The following RAB3C variants were observed in gnomAD, a reference collection of about 807,000 sequenced individuals.
RAB3C encodes ras-related protein Rab-3C.
A neutral mutation model predicts 26.4 loss-of-function variants in RAB3C; 17 were observed. The observed-to-expected ratio is 0.64, with a 90% confidence interval of 0.44 to 0.97. The LOEUF is 0.97. RAB3C is among the 50% of genes least tolerant of loss of function. RAB3C has a pLI of 0.00. For synonymous variants in RAB3C, 91 were observed against 95.9 expected, an observed-to-expected ratio of 0.95 and a Z score of 0.30; for missense variants, 242 against 281.9, an observed-to-expected ratio of 0.86 and a Z score of 1.01.
At chr5:58,587,279 G>A (rs146770104) in intron 1 of RAB3C, among the ~76,000 whole-genome samples, 1 of 152,240 alleles carries the variant, frequency 6.6e-6, no homozygotes, top group African/African-American at 2.4e-5. Flanking sequence ...TTCCAGGAAG[G>A]AAATATATGT....
intron 4 of RAB3C, among the ~76,000 whole-genome samples, chr5:58,832,020 T>C (rs1046766891): frequency 7.9e-5 from 12 of 152,080 alleles, no homozygotes; most frequent in Admixed American, 1.3e-4. Flanking sequence ...GAACCACTGA[T>C]TTACAGAAAA....
intron 2 of RAB3C, among the ~76,000 whole-genome samples, chr5:58,664,296 G>C (rs1195849714): frequency 6.6e-6 from 1 of 152,164 alleles, no homozygotes; most frequent in Non-Finnish European, 1.5e-5. Context: ...GCGATAAAGA[G>C]AAATGCACTA....
chr5:58,752,444 G>T (rs1458861784), intron 3 of RAB3C, among the ~76,000 whole-genome samples: 1 of 150,204 alleles, frequency 6.7e-6, no homozygotes, highest in East Asian at 2.0e-4. Context: ...AAGAACTACA[G>T]TACGGAAAGC....
intron 3 of RAB3C, among the ~76,000 whole-genome samples, chr5:58,779,542 A>G (rs1180795062): frequency 6.6e-6 from 1 of 151,484 alleles, no homozygotes; most frequent in African/African-American, 2.4e-5. Context: ...TCACCACAAC[A>G]CTCAGCTTAT....
At chr5:58,796,119 A>G (rs548209596) in intron 3 of RAB3C, among the ~76,000 whole-genome samples, 1 of 152,182 alleles carries the variant, frequency 6.6e-6, no homozygotes, top group Non-Finnish European at 1.5e-5. Flanking sequence ...GGAAGGTGGG[A>G]AATAAAAATC....
At position 58,767,131 on chromosome 5, in the gene RAB3C, T is replaced by C. The variant is rs528018583; in HGVS notation, c.371+41011T>C. Among the ~76,000 whole-genome samples, 6 of 152,286 alleles carry C rather than the reference T, an allele frequency of 3.9e-5. No homozygotes were observed. In the South Asian group the frequency reaches 1.0e-3, roughly 26 times the overall value. ...CCCAGGGAAAGCAAAATTCTGCTGGTGCTGTTAATTTCAGACAAAAACTGA... is the reference window on the plus strand; with the variant it reads ...CCCAGGGAAAGCAAAATTCTGCTGGCGCTGTTAATTTCAGACAAAAACTGA... On this transcript the variant is annotated intron_variant, in intron 3 of 4. Coordinates refer to ENST00000282878, the MANE Select transcript of RAB3C (RefSeq NM_138453.4).
At chr5:58,767,892 A>T (rs1301223321) in intron 3 of RAB3C, among the ~76,000 whole-genome samples, 1 of 152,220 alleles carries the variant, frequency 6.6e-6, no homozygotes, top group Non-Finnish European at 1.5e-5. Flanking sequence ...GCAGAAAATT[A>T]AAATGATAAT....
chr5:58,773,638 C>T (rs1442582747), intron 3 of RAB3C, among the ~76,000 whole-genome samples: 1 of 152,046 alleles, frequency 6.6e-6, no homozygotes, highest in Non-Finnish European at 1.5e-5. Flanking sequence ...TTGATTGAGG[C>T]TGGTACTGAT....
intron 2 of RAB3C, among the ~76,000 whole-genome samples, chr5:58,696,764 G>A (rs893784424): frequency 6.6e-6 from 1 of 152,106 alleles, no homozygotes; most frequent in Non-Finnish European, 1.5e-5. Flanking sequence ...GATTGCTGGT[G>A]ATATCCCCTT....
chr5:58,653,801 G>C (rs1469474259), intron 2 of RAB3C, among the ~76,000 whole-genome samples: 1 of 152,168 alleles, frequency 6.6e-6, no homozygotes, highest in Non-Finnish European at 1.5e-5. Context: ...GACATCATTA[G>C]TCTTGAGCTG....
intron 3 of RAB3C, among the ~76,000 whole-genome samples, chr5:58,806,352 A>C (rs934903118): frequency 2.6e-5 from 4 of 152,150 alleles, no homozygotes; most frequent in Admixed American, 6.5e-5. Context: ...TTGTTATTCT[A>C]ATGAGGAAGA....
intron 3 of RAB3C, among the ~76,000 whole-genome samples, chr5:58,789,572 C>T (rs950950548): frequency 1.3e-5 from 2 of 152,044 alleles, no homozygotes; most frequent in Non-Finnish European, 2.9e-5. Context: ...AATGTTAGGG[C>T]TCAAGGAAGT....
At chr5:58,696,554 A>T (rs182455885) in intron 2 of RAB3C, among the ~76,000 whole-genome samples, 27 of 151,416 alleles carry the variant, frequency 1.8e-4, no homozygotes, top group African/African-American at 6.5e-4. Context: ...CTGGTCCTGG[A>T]CTCTTTTTGT....
intron 1 of RAB3C, among the ~76,000 whole-genome samples, chr5:58,608,458 C>T (rs1746620697): frequency 6.6e-6 from 1 of 152,182 alleles, no homozygotes; most frequent in Non-Finnish European, 1.5e-5. Flanking sequence ...CACTGGCCAT[C>T]AGAGAAATGC....
At chr5:58,703,099 A>T (rs1748880413) in intron 2 of RAB3C, among the ~76,000 whole-genome samples, 1 of 152,250 alleles carries the variant, frequency 6.6e-6, no homozygotes, top group Non-Finnish European at 1.5e-5. Flanking sequence ...GAATTCTTCC[A>T]AAATTATACG....
chr5:58,754,732 C>A (rs1741615257), intron 3 of RAB3C, among the ~76,000 whole-genome samples: 1 of 152,142 alleles, frequency 6.6e-6, no homozygotes. Flanking sequence ...TTTATGCTTT[C>A]TTGAAATAAA....
At position 58,597,623 on chromosome 5, in the gene RAB3C, A is replaced by C. The variant is rs1490791706; in HGVS notation, c.24+14391A>C. 1.1e-4 allele frequency among the ~76,000 whole-genome samples: 15 copies of C among 135,368 alleles called. No individual in the cohort carries two copies. In the East Asian group the frequency reaches 3.2e-3, roughly 29 times the overall value. 88.8% of individuals were successfully genotyped at this position (135,368 alleles called of 152,430 possible). ...ATAAGCATATAACAATATATAGTTC[A>C]TTATATATAAGCATATAACAATATA... On this transcript the variant is annotated intron_variant, in intron 1 of 4. Coordinates refer to ENST00000282878, the MANE Select transcript of RAB3C (RefSeq NM_138453.4).
intron 3 of RAB3C, among the ~76,000 whole-genome samples, chr5:58,755,766 C>T (rs933829669): frequency 1.3e-5 from 2 of 152,224 alleles, no homozygotes; most frequent in Non-Finnish European, 2.9e-5. Context: ...AGTGTGGGGA[C>T]TGCTGAGTAC....
At position 58,851,507 on chromosome 5, in the gene RAB3C, CTGTT is replaced by C; in HGVS notation, c.*158_*161del. On this transcript the variant is annotated 3_prime_UTR_variant, in exon 5 of 5. Transcript: ENST00000282878. Reference sequence around the variant, plus strand: ...ACGCATTCAATTCTTGGGAGCTTTCCTGTTTAATATGTGGCAAATATGTGATCTT... The same window carrying C: ...ACGCATTCAATTCTTGGGAGCTTTCCTAATATGTGGCAAATATGTGATCTT... The C allele has an allele frequency of 1.9e-6, 1 of 525,722 alleles. No homozygotes were observed. The highest frequency in any genetic ancestry group is 3.2e-5 in the East Asian group (1 of 31,268). 32.6% of individuals were successfully genotyped at this position (525,722 alleles called of 1,614,324 possible). A position where few individuals can be genotyped will look rare whatever the true frequency, so the allele number is the denominator to read the frequency against.
Sources: allele counts gnomAD v4.1 joint callset (sites outside exome capture counted in the v4.1 genomes callset), GRCh38; gene constraint gnomAD v4.1.1; transcripts MANE v1.5; gene names NCBI Gene and HGNC (gene_info 2026-07-23, HGNC 2026-07-21).